RBM33: variants seen among roughly 807,000 people sequenced by gnomAD.
RBM33 encodes the protein RNA binding motif protein 33.
Under a neutral mutation model 132.6 loss-of-function variants are expected in RBM33, and 28 were observed. The observed-to-expected ratio is 0.21, with a 90% CI of 0.16 to 0.29. The LOEUF (loss-of-function observed/expected upper bound fraction) is 0.29. RBM33 is among the 10% of genes least tolerant of loss of function. The pLI is 1.00. For missense variants in RBM33, 1,291 were observed against 1,518.5 expected (o/e 0.85, Z 2.49); for synonymous variants, 634 against 593.0 (o/e 1.07, Z -1.01).
Position 155,738,111 on chromosome 7 carries a change from C to T in RBM33, c.1445C>T (p.Pro482Leu), listed in dbSNP as rs1333478551. 1.9e-6 allele frequency: 3 copies of T among 1,613,814 alleles called. No individual in the cohort carries two copies. The highest frequency in any genetic ancestry group is 3.3e-5 in the Admixed American group (2 of 60,010). The change falls in exon 11 of 18, where the codon CCC becomes CTC. Residue 482 changes from proline (P) to leucine (L), a missense_variant. By Grantham distance (98) the Pro-to-Leu change is moderately conservative. Around this residue, in one of 7 missense-constraint regions of RBM33, gnomAD observed 841 missense variants for 912.0 expected, o/e 0.92. Transcript: ENST00000401878. ...PSHLFLEQRS[P>L]PPPPPPPTLL... ...CATCTTTTTCTGGAACAGCGAAGTC[C>T]CCCTCCACCACCACCGCCTCCTACC...
At chr7:155,703,534 C>T (rs1236450706) in intron 6 of RBM33, among the ~76,000 whole-genome samples, 1 of 152,070 alleles carries the variant, frequency 6.6e-6, no homozygotes, top group African/African-American at 2.4e-5. Flanking sequence ...TTTTCTGTTC[C>T]GTATTACTTA....
chr7:155,653,256 C>T (rs1798404312), intron 1 of RBM33, among the ~76,000 whole-genome samples: 1 of 152,050 alleles, frequency 6.6e-6, no homozygotes, highest in African/African-American at 2.4e-5. Flanking sequence ...GATTTAGGGG[C>T]CAGTCTTAAT....
In RBM33 at chr7:155,740,652, C is replaced by T. The variant is rs1030260057; in HGVS notation, c.2049+626C>T. Among the ~76,000 whole-genome samples the T allele has an allele frequency of 2.0e-5, 3 of 152,200 alleles. No individual in the cohort carries two copies. The South Asian group carries it at 6.2e-4, about 32-fold the overall frequency. ...AAAGAAACTGGGAAACAATGTATTG[C>T]TCTGAAAATAAAAGGCCACAGTCAT... On this transcript the variant is annotated intron_variant, in intron 12 of 17. Transcript: ENST00000401878.
At chr7:155,772,391 G>T (rs1215791405) in intron 16 of RBM33, among the ~76,000 whole-genome samples, 1 of 152,212 alleles carries the variant, frequency 6.6e-6, no homozygotes, top group Non-Finnish European at 1.5e-5. Context: ...TTTGGAAGTT[G>T]CTCTATTGTT....
chr7:155,692,713 T>G (rs1049340078), intron 5 of RBM33, among the ~76,000 whole-genome samples: 8 of 152,338 alleles, frequency 5.3e-5, no homozygotes, highest in African/African-American at 1.9e-4. Flanking sequence ...GCCAACTAAC[T>G]TGTTAGCTTG....
Position 155,645,071 on chromosome 7 carries a change from C to T in RBM33, c.43+152C>T, listed in dbSNP as rs114695320. 1,314 of 540,358 alleles carry T rather than the reference C, an allele frequency of 2.4e-3. 21 individuals carry two copies. Among genetic ancestry groups the T allele is most frequent in the African/African-American group, 0.024 (1,184 of 49,884 alleles). The allele number at this position is 540,358 out of a possible 1,614,324, so 33.5% of individuals were successfully genotyped here. On this transcript the variant is annotated intron_variant, in intron 1 of 17. Transcript: ENST00000401878. ...CTATTCCGTTTTCTCCCTCGCCTTCCCTCGCTATTGTCATTCTCCCTTTCT... is the reference window on the plus strand; with the variant it reads ...CTATTCCGTTTTCTCCCTCGCCTTCTCTCGCTATTGTCATTCTCCCTTTCT...
intron 12 of RBM33, 111 bp downstream of exon 12, chr7:155,740,137 T>G (rs537906023): frequency 7.2e-7 from 1 of 1,380,288 alleles, no homozygotes; most frequent in East Asian, 2.6e-5. Flanking sequence ...GATTTCTGTT[T>G]ATAAAATGTG....
chr7:155,645,969 A>G (rs1451464506), intron 1 of RBM33, among the ~76,000 whole-genome samples: 2 of 152,228 alleles, frequency 1.3e-5, no homozygotes, highest in South Asian at 2.1e-4. Flanking sequence ...TTGGTTTGCT[A>G]TATGCCACTT....
At chr7:155,657,133 C>T (rs1395615636) in intron 1 of RBM33, among the ~76,000 whole-genome samples, 1 of 152,202 alleles carries the variant, frequency 6.6e-6, no homozygotes, top group Non-Finnish European at 1.5e-5. Context: ...TCAACAGCCA[C>T]TTTCCTTAGT....
intron 14 of RBM33, among the ~76,000 whole-genome samples, chr7:155,757,126 A>G (rs909033018): frequency 6.7e-6 from 1 of 149,320 alleles, no homozygotes; most frequent in East Asian, 2.0e-4. Flanking sequence ...TAAAATTTGA[A>G]TGTGATCAAC....
At chr7:155,759,255 C>CT in intron 14 of RBM33, among the ~76,000 whole-genome samples, 1 of 152,212 alleles carries the variant, frequency 6.6e-6, no homozygotes, top group East Asian at 1.9e-4. Context: ...AAAAAATAAA[C>CT]TTTCCTTCAA....
At chr7:155,669,080 A>G (rs182828618) in intron 2 of RBM33, among the ~76,000 whole-genome samples, 24 of 152,240 alleles carry the variant, frequency 1.6e-4, no homozygotes, top group South Asian at 1.0e-3. Flanking sequence ...GTTTGCATCT[A>G]TGAAGCTTTT....
intron 3 of RBM33, among the ~76,000 whole-genome samples, chr7:155,675,841 C>T (rs1799170557): frequency 1.3e-5 from 2 of 152,242 alleles, no homozygotes; most frequent in Middle Eastern, 3.4e-3. Context: ...CACTTATGTT[C>T]CTAGCAGCAG....
rs149455931 is a variant in RBM33, at chr7:155,688,317, C to G, written c.567+7409C>G. 9.5e-3 allele frequency among the ~76,000 whole-genome samples: 1,449 copies of G among 152,262 alleles called. 20 individuals carry two copies. The highest frequency in any genetic ancestry group is 0.033 in the African/African-American group (1,371 of 41,532). ...TATAAGAATGCTCGTGATTTTTGCA[C>G]ATTGATTTTGTATCCTAAGACTTTG... On this transcript the variant is annotated intron_variant, in intron 5 of 17. Transcript: ENST00000401878.
rs1563137527 is a variant in RBM33, at chr7:155,673,579, CGTGT to C, written c.171+665_171+668del. ...ATATATACACACATATACATACACA[CGTGT>C]ATATATATATACACACATATACATA... On this transcript the variant is annotated intron_variant, in intron 3 of 17. Coordinates refer to ENST00000401878, the MANE Select transcript of RBM33 (RefSeq NM_053043.3). Among the ~76,000 whole-genome samples, 15 of 83,188 alleles carry C rather than the reference CGTGT, an allele frequency of 1.8e-4. 1 individual carries two copies. Among genetic ancestry groups the C allele is most frequent in the Non-Finnish European group, 3.0e-4 (13 of 43,202 alleles). 54.6% of individuals were successfully genotyped at this position (83,188 alleles called of 152,430 possible).
In RBM33 at chr7:155,738,851, G is replaced by T. The variant is rs544514841; in HGVS notation, c.1737+448G>T. 217 of 163,974 alleles carry T rather than the reference G, an allele frequency of 1.3e-3. 4 individuals are homozygous for T. The highest frequency in any genetic ancestry group is 5.0e-3 in the African/African-American group (206 of 41,564). 10.2% of individuals were successfully genotyped at this position (163,974 alleles called of 1,614,324 possible). On this transcript the variant is annotated intron_variant, in intron 11 of 17. Transcript: ENST00000401878. ...TTGAAGGCCTTGAGTGCCCTCTGCC[G>T]ACCGGCTTCTGCTTCATGGGTTTTC...
In RBM33 at chr7:155,678,616, G is replaced by A. The variant is rs368365469; in HGVS notation, c.180G>A (p.Ser60=). ...TTTCTTATTTTAATTAGAATCAGTC[G>A]GATTTGTCAGATGAAGAGCTAAATG... ...EDLLSGKKNQ[S]DLSDEELNDD... The change falls in exon 4 of 18, where the codon TCG becomes TCA. Residue 60 remains serine (S), a synonymous_variant. Coordinates refer to ENST00000401878, the MANE Select transcript of RBM33 (RefSeq NM_053043.3). 27 of 1,557,316 alleles carry A rather than the reference G, an allele frequency of 1.7e-5. No homozygotes were observed. In the African/African-American group the frequency reaches 1.9e-4, roughly 11 times the overall value.
chr7:155,667,674 G>A (rs1438760973), intron 2 of RBM33, among the ~76,000 whole-genome samples: 3 of 152,034 alleles, frequency 2.0e-5, no homozygotes, highest in Admixed American at 2.0e-4. Flanking sequence ...GATGATGTGT[G>A]GCCTCCTGAG....
rs1353234277 is a variant in RBM33, at chr7:155,745,530, C to T, written c.2907C>T (p.His969=). ...CTGGCGTGAAAAGGACTGTCACGCACAGGACAAACAGTGGTGGTGGAGACG... is the reference window on the plus strand; with the variant it reads ...CTGGCGTGAAAAGGACTGTCACGCATAGGACAAACAGTGGTGGTGGAGACG... ...TKPGVKRTVT[H]RTNSGGGDGP... is the part of the protein sequence containing the mutation. The change falls in exon 14 of 18, where the codon CAC becomes CAT. Residue 969 remains histidine, a synonymous_variant. Transcript: ENST00000401878. The surrounding 1 kb of genome is among the most constrained non-coding windows in gnomAD (Gnocchi z 4.1). 2.8e-5 allele frequency: 45 copies of T among 1,612,178 alleles called. No homozygotes were observed. Among genetic ancestry groups the T allele is most frequent in the Non-Finnish European group, 3.6e-5 (42 of 1,179,202 alleles).
Sources: allele counts gnomAD v4.1 joint callset (sites outside exome capture counted in the v4.1 genomes callset), GRCh38; gene constraint gnomAD v4.1.1; regional missense constraint gnomAD v4.1.1; non-coding constraint Gnocchi (gnomAD v3.1); transcripts MANE v1.5; gene names NCBI Gene and HGNC (gene_info 2026-07-23, HGNC 2026-07-21).